The following UBE3A variants were observed in gnomAD, a reference collection of about 807,000 sequenced individuals.
The protein encoded by UBE3A is ubiquitin protein ligase E3A, also known as ubiquitin-protein ligase E3A.
UBE3A carries 6 observed loss-of-function variants against 83.4 expected under a neutral mutation model. The ratio of observed to expected loss-of-function variants is 0.07; its 90% CI spans 0.04 to 0.14. The LOEUF is 0.14. Ranked by LOEUF, UBE3A falls within the 10% of genes least tolerant of loss-of-function variation. The pLI is 1.00. For missense variants in UBE3A, 456 were observed against 1,036.1 expected (o/e 0.44, Z 7.69); for synonymous variants, 337 against 355.4 (o/e 0.95, Z 0.58).
At chr15:25,432,965 C>A (rs1893907159) in intron 1 of UBE3A, among the ~76,000 whole-genome samples, 1 of 152,112 alleles carries the variant, frequency 6.6e-6, no homozygotes, top group African/African-American at 2.4e-5. Flanking sequence ...GATTCTATGT[C>A]CCCTAAAAAT....
intron 6 of UBE3A, among the ~76,000 whole-genome samples, chr15:25,367,379 C>T (rs1210852978): frequency 3.3e-5 from 5 of 151,302 alleles, no homozygotes; most frequent in Non-Finnish European, 5.9e-5. Context: ...AACCTCATCA[C>T]ATTAGGAATG....
chr15:25,387,479 G>C (rs1156810655), intron 4 of UBE3A, among the ~76,000 whole-genome samples: 4 of 151,844 alleles, frequency 2.6e-5, no homozygotes, highest in Non-Finnish European at 4.4e-5. Context: ...CCGAGATCGA[G>C]CCACTGCACT....
In UBE3A at chr15:25,337,057, T is replaced by G. The variant is rs773571133; in HGVS notation, c.*2080A>C. 1.1e-4 allele frequency: 17 copies of G among 151,934 alleles called. No homozygotes were observed. The highest frequency in any genetic ancestry group is 2.2e-4 in the Non-Finnish European group (15 of 67,968). 9.4% of individuals were successfully genotyped at this position (151,934 alleles called of 1,614,324 possible). On this transcript the variant is annotated 3_prime_UTR_variant, in exon 13 of 13. Transcript: ENST00000648336. ...AGCAGCTATTCTGTGCAACCGACGA[T>G]TTTTTTTCTCTAAAATTTTAAGGGT...
intron 1 of UBE3A, among the ~76,000 whole-genome samples, chr15:25,435,886 T>C (rs1471049394): frequency 1.3e-5 from 2 of 152,196 alleles, no homozygotes; most frequent in Non-Finnish European, 2.9e-5. Context: ...GTCCACTACA[T>C]ACAAGGTGCT....
chr15:25,398,337 A>G (rs986358801), intron 4 of UBE3A, among the ~76,000 whole-genome samples: 2 of 151,950 alleles, frequency 1.3e-5, no homozygotes, highest in African/African-American at 4.8e-5. Flanking sequence ...TTTAAAATCT[A>G]CTCTCAGTGA....
intron 6 of UBE3A, among the ~76,000 whole-genome samples, chr15:25,369,374 C>CAA (rs1448598954): frequency 1.7e-5 from 2 of 114,346 alleles, no homozygotes; most frequent in Admixed American, 8.5e-5. Context: ...AAACCAGTAA[C>CAA]AAAAAAAAAA....
intron 6 of UBE3A, among the ~76,000 whole-genome samples, chr15:25,365,871 A>G (rs1314127560): frequency 6.6e-6 from 1 of 152,140 alleles, no homozygotes; most frequent in African/African-American, 2.4e-5. Flanking sequence ...CATGTTCACG[A>G]TAAACACATG....
intron 1 of UBE3A, among the ~76,000 whole-genome samples, chr15:25,425,080 AC>A (rs1890931903): frequency 6.6e-6 from 1 of 152,150 alleles, no homozygotes; most frequent in African/African-American, 2.4e-5. Flanking sequence ...TAGAATACTC[AC>A]ATTTCCTGGT....
intron 1 of UBE3A, among the ~76,000 whole-genome samples, chr15:25,430,507 G>A (rs919955058): frequency 6.6e-6 from 1 of 150,626 alleles, no homozygotes; most frequent in Non-Finnish European, 1.5e-5. Flanking sequence ...CACCGCCCTC[G>A]TTCCACCTCC....
At chr15:25,433,967 G>A (rs1289719931) in intron 1 of UBE3A, among the ~76,000 whole-genome samples, 2 of 152,136 alleles carry the variant, frequency 1.3e-5, no homozygotes, top group Non-Finnish European at 2.9e-5. Flanking sequence ...CTACTCAGGA[G>A]GGTGAGATGG....
chr15:25,343,740 C>T (rs8035415), intron 11 of UBE3A, among the ~76,000 whole-genome samples: 22,168 of 151,990 alleles, frequency 0.15, 2,108 homozygotes, highest in East Asian at 0.42. Context: ...AATTTACCAG[C>T]GTTAAAGGAC....
intron 11 of UBE3A, among the ~76,000 whole-genome samples, chr15:25,340,560 T>C (rs912474187): frequency 6.6e-6 from 1 of 152,044 alleles, no homozygotes; most frequent in Admixed American, 6.5e-5. Context: ...AAAGACAAAA[T>C]CCTATGAATT....
chr15:25,415,671 ATAATT>A (rs1323691817), intron 1 of UBE3A: 1 of 152,090 alleles, frequency 6.6e-6, no homozygotes, highest in Non-Finnish European at 1.5e-5. Context: ...ATACCATAAA[ATAATT>A]TATTAATTTC....
chr15:25,400,588 C>CAAGA (rs1243005073), intron 4 of UBE3A, among the ~76,000 whole-genome samples: 2 of 152,102 alleles, frequency 1.3e-5, no homozygotes, highest in African/African-American at 4.8e-5. Flanking sequence ...ATGGAATTGT[C>CAAGA]TTCTTGATTT....
chr15:25,411,356 AAG>A (rs1336762040), intron 2 of UBE3A, among the ~76,000 whole-genome samples: 1 of 152,224 alleles, frequency 6.6e-6, no homozygotes, highest in Admixed American at 6.5e-5. Flanking sequence ...TTGGGAGGCC[AAG>A]GCGGGTGGAT....
chr15:25,366,904 T>G (rs1037510204), intron 6 of UBE3A, among the ~76,000 whole-genome samples: 6 of 152,046 alleles, frequency 3.9e-5, no homozygotes, highest in African/African-American at 1.4e-4. Flanking sequence ...ACAATACAGC[T>G]TCTAATCTAA....
intron 1 of UBE3A, among the ~76,000 whole-genome samples, chr15:25,416,077 G>A (rs2090861672): frequency 6.6e-6 from 1 of 152,006 alleles, no homozygotes; most frequent in Admixed American, 6.6e-5. Context: ...TAACTTAAAT[G>A]GAATAATTAA....
chr15:25,393,333 C>T (rs538020931), intron 4 of UBE3A, among the ~76,000 whole-genome samples: 5 of 152,238 alleles, frequency 3.3e-5, no homozygotes, highest in African/African-American at 7.2e-5. Flanking sequence ...TAAAAACAAG[C>T]GTTCATCAGC....
intron 4 of UBE3A, chr15:25,394,006 G>A (rs2084982306): frequency 6.6e-6 from 1 of 152,188 alleles, no homozygotes; most frequent in Admixed American, 6.5e-5. Context: ...TGTCTTCTCT[G>A]ATTCCAGGTG....
Sources: gnomAD v4.1 joint callset for allele counts (sites outside exome capture counted in the v4.1 genomes callset) on GRCh38, gnomAD v4.1.1 for gene constraint, MANE v1.5 for transcripts, NCBI Gene and HGNC (gene_info 2026-07-23, HGNC 2026-07-21) for gene names.